Variants in MYH13 observed in about 807,000 individuals in gnomAD.
MYH13 encodes the protein myosin heavy chain 13.
MYH13 carries 177 observed loss-of-function variants against 232.1 expected under a neutral mutation model. The ratio of observed to expected loss-of-function variants is 0.76; its 90% CI spans 0.67 to 0.86. MYH13 has a LOEUF of 0.86. MYH13 is among the 40% of genes least tolerant of loss of function. The pLI, the probability that MYH13 is intolerant of heterozygous loss-of-function variation, is 0.00. For missense variants in MYH13, 2,246 were observed against 2,405.9 expected (o/e 0.93, Z 1.39); for synonymous variants, 884 against 923.5 (o/e 0.96, Z 0.78).
chr17:10,318,332 T>C lies in MYH13; in HGVS notation c.3738+458A>G, dbSNP rs146393655. On this transcript the variant is annotated intron_variant, in intron 27 of 40. Coordinates refer to ENST00000252172, the MANE Select transcript of MYH13 (RefSeq NM_003802.3). The stretch of plus-strand genomic sequence containing the variant: ...CCAAAATTCATAATTTCCAGTCCAG[T>C]GGTGTTGGGGGGTGGGGCTTTTGGG... Among the ~76,000 whole-genome samples, 401 of 152,096 alleles carry C rather than the reference T, an allele frequency of 2.6e-3. 2 individuals are homozygous for C. Among genetic ancestry groups the C allele is most frequent in the Non-Finnish European group, 4.5e-3 (304 of 67,982 alleles).
rs747457147 is a variant in MYH13, at chr17:10,319,194, C to G, written c.3349-15G>C. On this transcript the variant is annotated splice_polypyrimidine_tract_variant and intron_variant, in intron 26 of 40. Coordinates refer to ENST00000252172, the MANE Select transcript of MYH13 (RefSeq NM_003802.3). ...TCTATGCGGGCCTGAAAGGATTACT[C>G]TATCAGGAATGTTATTGTGGAGGAG... The G allele has an allele frequency of 8.7e-6, 14 of 1,608,008 alleles. No homozygotes were observed. Among genetic ancestry groups the G allele is most frequent in the African/African-American group, 4.0e-5 (3 of 74,652 alleles).
At chr17:10,352,587 C>CA (rs11459359) in intron 11 of MYH13, among the ~76,000 whole-genome samples, 35,360 of 149,932 alleles carry the variant, frequency 0.24, 4,484 homozygotes, top group East Asian at 0.48. Flanking sequence ...GACTCCATCT[C>CA]AAAAAAAACA....
At chr17:10,331,238 G>A (rs1189608461) in intron 20 of MYH13, among the ~76,000 whole-genome samples, 2 of 152,068 alleles carry the variant, frequency 1.3e-5, no homozygotes, top group Non-Finnish European at 1.5e-5. Flanking sequence ...TTGGTCCCAT[G>A]CTCAGGCCCA....
intron 39 of MYH13, 50 bp from the exon 40 acceptor site, chr17:10,301,753 T>A: frequency 1.3e-6 from 2 of 1,594,898 alleles, no homozygotes; most frequent in South Asian, 2.2e-5. Context: ...CTCAGTCCGA[T>A]TATGAGGTGC....
At chr17:10,350,467 C>A in intron 12 of MYH13, 89 bp downstream of exon 12, 1 of 1,521,766 alleles carries the variant, frequency 6.6e-7, no homozygotes, top group Non-Finnish European at 8.8e-7. Flanking sequence ...AAGAACAGCT[C>A]TTGAAATGAA....
chr17:10,303,033 T>C (rs779273322), intron 39 of MYH13, among the ~76,000 whole-genome samples, 163 bp downstream of exon 39: 1 of 151,890 alleles, frequency 6.6e-6, no homozygotes, highest in Non-Finnish European at 1.5e-5. Flanking sequence ...AGGCTTAACA[T>C]GGACCAGGAG....
intron 27 of MYH13, among the ~76,000 whole-genome samples, chr17:10,316,750 C>T (rs1405501660): frequency 6.6e-6 from 1 of 152,230 alleles, no homozygotes; most frequent in Non-Finnish European, 1.5e-5. Flanking sequence ...AGATTCACCT[C>T]TCTGGCTTCC....
At position 10,343,807 on chromosome 17, in the gene MYH13, T is replaced by C; in HGVS notation, c.1887A>G (p.Ala629=). 2 of 1,597,910 alleles carry C rather than the reference T, an allele frequency of 1.3e-6. No homozygotes were observed. Among genetic ancestry groups the C allele is most frequent in the Non-Finnish European group, 1.7e-6 (2 of 1,170,330 alleles). The change falls in exon 16 of 41, where the codon GCA becomes GCG. Residue 629 remains alanine, a synonymous_variant. Transcript: ENST00000252172. ...LSFLFSNYAG[A]ETGDSGGSKK... is the part of the protein sequence containing the mutation. ...GAAATGATAGAATTTTACCTGTCTCTGCACCAGCATAGTTGGAAAAAAGGA... is the reference window on the plus strand; with the variant it reads ...GAAATGATAGAATTTTACCTGTCTCCGCACCAGCATAGTTGGAAAAAAGGA...
rs772962868 is a variant in MYH13, at chr17:10,300,997, A to AATG, written c.5803-35_5803-33dup. 1.0e-5 allele frequency: 16 copies of AATG among 1,606,316 alleles called. No individual in the cohort carries two copies. The South Asian group carries it at 1.8e-4, about 18-fold the overall frequency. On this transcript the variant is annotated intron_variant, in intron 40 of 40. Transcript: ENST00000252172. ...GAGAAAAAAATAATTGTACATAGGA[A>AATG]ATGAGTCAACTAAATGGGAGACTGA...
At position 10,354,700 on chromosome 17, in the gene MYH13, C is replaced by T; in HGVS notation, c.985G>A (p.Glu329Lys). Residue 329 changes from glutamate (E) to lysine (K), a missense_variant, in exon 11 of 41, where the codon GAA (glutamate) becomes AAA (lysine). Coordinates refer to ENST00000252172, the MANE Select transcript of MYH13 (RefSeq NM_003802.3). The part of the protein sequence containing the change: ...EVTVASIDDS[E>K]ELLATDNAID... ...CTTACATCTGTCGCCAGCAGTTCTT[C>T]ACTGTCATCGATACTGGCTACCGTG... 1 of 1,613,842 alleles carries T rather than the reference C, an allele frequency of 6.2e-7. No individual in the cohort carries two copies. Among genetic ancestry groups the T allele is most frequent in the Admixed American group, 1.7e-5 (1 of 60,018 alleles).
In MYH13 at chr17:10,315,733, T is replaced by C; in HGVS notation, c.3944A>G (p.Gln1315Arg). The change falls in exon 29 of 41, where the codon CAG becomes CGG. Residue 1315 changes from glutamine to arginine, a missense_variant. Gln to Arg is a conservative substitution (Grantham distance 43). Coordinates refer to ENST00000252172, the MANE Select transcript of MYH13 (RefSeq NM_003802.3). ...LTKSKQALTQQLEELKRQMEE... is the reference protein window; with the variant it reads ...LTKSKQALTQRLEELKRQMEE... ...CATTTGCCTCTTAAGCTCCTCCAGC[T>C]GCTGGGTGAGGGCCTGCTTGCTTTT... 1 of 1,614,038 alleles carries C rather than the reference T, an allele frequency of 6.2e-7. No homozygotes were observed. The highest frequency in any genetic ancestry group is 8.5e-7 in the Non-Finnish European group (1 of 1,179,904).
intron 35 of MYH13, 140 bp from the exon 36 acceptor site, chr17:10,307,204 G>A: frequency 9.7e-7 from 1 of 1,031,444 alleles, no homozygotes; most frequent in Non-Finnish European, 1.4e-6. Flanking sequence ...GCTGGGTACA[G>A]TACTGTACAT....
At chr17:10,355,681 G>A (rs562893138) in intron 8 of MYH13, among the ~76,000 whole-genome samples, 24 of 152,216 alleles carry the variant, frequency 1.6e-4, no homozygotes, top group African/African-American at 5.8e-4. Context: ...CAACTCAGGG[G>A]ATGCCCACAG....
intron 2 of MYH13, among the ~76,000 whole-genome samples, chr17:10,366,690 T>C (rs2071840951): frequency 1.3e-5 from 2 of 152,102 alleles, no homozygotes; most frequent in Admixed American, 6.6e-5. Flanking sequence ...CTGAAATACG[T>C]CATATTTTTT....
chr17:10,313,902 T>C (rs1247220662), intron 29 of MYH13, among the ~76,000 whole-genome samples: 2 of 152,178 alleles, frequency 1.3e-5, no homozygotes, highest in Non-Finnish European at 1.5e-5. Flanking sequence ...GTCCCCACAC[T>C]GGGGATTGCT....
intron 2 of MYH13, among the ~76,000 whole-genome samples, chr17:10,366,322 TACAC>T (rs368988856): frequency 6.6e-6 from 1 of 150,504 alleles, no homozygotes; most frequent in African/African-American, 2.4e-5. Flanking sequence ...AGTCAAGTCA[TACAC>T]ACACACACGC....
chr17:10,353,868 G>T (rs535785435), intron 11 of MYH13, among the ~76,000 whole-genome samples: 1 of 150,934 alleles, frequency 6.6e-6, no homozygotes, highest in Non-Finnish European at 1.5e-5. Flanking sequence ...GCGAGACTCT[G>T]TCTGAAAAAA....
At chr17:10,328,995 C>T (rs1907320389) in intron 21 of MYH13, among the ~76,000 whole-genome samples, 1 of 152,104 alleles carries the variant, frequency 6.6e-6, no homozygotes, top group African/African-American at 2.4e-5. Flanking sequence ...CTAATTTCTG[C>T]TGCTGTTTTC....
intron 11 of MYH13, 118 bp downstream of exon 11, chr17:10,354,562 T>G: frequency 1.1e-6 from 1 of 913,884 alleles, no homozygotes; most frequent in Non-Finnish European, 1.7e-6. Flanking sequence ...TCTGAGATCT[T>G]GAGTCTAATC....
Sources: gnomAD v4.1 joint callset for allele counts (sites outside exome capture counted in the v4.1 genomes callset) on GRCh38, gnomAD v4.1.1 for gene constraint, MANE v1.5 for transcripts, NCBI Gene and HGNC (gene_info 2026-07-23, HGNC 2026-07-21) for gene names.